Variants in ADAMTS2 observed in about 807,000 individuals in gnomAD.
The protein encoded by ADAMTS2 is ADAM metallopeptidase with thrombospondin type 1 motif 2.
Under a neutral mutation model 123.0 loss-of-function variants are expected in ADAMTS2, and 50 were observed. That is an observed-to-expected ratio of 0.41 (90% CI 0.32 to 0.51). The LOEUF is 0.51. ADAMTS2 is among the 20% of genes least tolerant of loss of function. The pLI is 0.35. For missense variants in ADAMTS2, 1,494 were observed against 1,705.2 expected (o/e 0.88, Z 2.18); for synonymous variants, 678 against 695.4 (o/e 0.98, Z 0.39).
Position 179,312,797 on chromosome 5 carries a change from G to C in ADAMTS2, c.534+30970C>G, listed in dbSNP as rs1756869132. 6.6e-6 allele frequency among the ~76,000 whole-genome samples: 1 copy of C among 152,214 alleles called. No homozygotes were observed. Among genetic ancestry groups the C allele is most frequent in the Non-Finnish European group, 1.5e-5 (1 of 68,046 alleles). On this transcript the variant is annotated intron_variant, in intron 2 of 21. Transcript: ENST00000251582. The surrounding 1 kb of genome is among the most constrained non-coding windows in gnomAD (Gnocchi z 4.2). ...CATCCTCCCCTAGAGGCTCCGGAGG[G>C]AGCGCGGCCCTGCCGCCACCTGCGT...
Position 179,285,935 on chromosome 5 carries a change from C to T in ADAMTS2, c.535-12871G>A, listed in dbSNP as rs1442722751. On this transcript the variant is annotated intron_variant, in intron 2 of 21. Transcript: ENST00000251582. This position sits in a 1 kb window ranked among gnomAD's most constrained non-coding sequence, Gnocchi z 4.9. ...CCCATTCAAGATCCTGCCAACAGGC[C>T]GGGCACGGTGGCTCACGCCTATAAT... Among the ~76,000 whole-genome samples the T allele has an allele frequency of 4.6e-5, 7 of 152,090 alleles. No individual in the cohort carries two copies. Among genetic ancestry groups the T allele is most frequent in the African/African-American group, 1.7e-4 (7 of 41,408 alleles).
At position 179,225,665 on chromosome 5, in the gene ADAMTS2, C is replaced by T. The variant is rs1278840075; in HGVS notation, c.689-17950G>A. On this transcript the variant is annotated intron_variant, in intron 3 of 21. Coordinates refer to ENST00000251582, the MANE Select transcript of ADAMTS2 (RefSeq NM_014244.5). This position sits in a 1 kb window ranked among gnomAD's most constrained non-coding sequence, Gnocchi z 4.5. ...ACCGACCGGCAGAAGCAGAACGACA[C>T]GGAGTTTGGCCGGGGCAGTCAGAGG... Among the ~76,000 whole-genome samples the T allele has an allele frequency of 1.3e-5, 2 of 152,204 alleles. No homozygotes were observed. The highest frequency in any genetic ancestry group is 1.5e-5 in the Non-Finnish European group (1 of 68,028).
chr5:179,155,000 G>C (rs1763441904), intron 6 of ADAMTS2, 81 bp from the exon 7 acceptor site: 1 of 1,297,106 alleles, frequency 7.7e-7, no homozygotes, highest in African/African-American at 1.5e-5. Flanking sequence ...CCCAGGCGCT[G>C]CTTCTCCTCA....
chr5:179,297,400 C>A (rs902674597), intron 2 of ADAMTS2, among the ~76,000 whole-genome samples: 1 of 152,072 alleles, frequency 6.6e-6, no homozygotes, highest in Admixed American at 6.6e-5. Flanking sequence ...CCTGGCAATG[C>A]AGAAACCTGA....
At chr5:179,304,878 G>A (rs532046185) in intron 2 of ADAMTS2, among the ~76,000 whole-genome samples, 1 of 151,978 alleles carries the variant, frequency 6.6e-6, no homozygotes, top group African/African-American at 2.4e-5. Flanking sequence ...AGAAATCCAA[G>A]GAAACACAAT....
chr5:179,148,174 G>A lies in ADAMTS2; in HGVS notation c.1629+3968C>T, dbSNP rs961126508. Among the ~76,000 whole-genome samples, 3 of 151,958 alleles carry A rather than the reference G, an allele frequency of 2.0e-5. No individual in the cohort carries two copies. The South Asian group carries it at 6.2e-4, about 32-fold the overall frequency. ...TCCCCCAGCACAGCAGCACTGCAGC[G>A]CTGGCGGCTCTGAACAGACCGCACT... On this transcript the variant is annotated intron_variant, in intron 10 of 21. Transcript: ENST00000251582.
rs187541321 is a variant in ADAMTS2 at position 179,299,997 on chromosome 5, G to A, written c.535-26933C>T. On this transcript the variant is annotated intron_variant, in intron 2 of 21. Coordinates refer to ENST00000251582, the MANE Select transcript of ADAMTS2 (RefSeq NM_014244.5). ...TAGTCCCAGCTACTCTGGAGGCTGA[G>A]GCAGGAGAATCACTTGGACCCAGGA... Among the ~76,000 whole-genome samples, 386 of 151,672 alleles carry A rather than the reference G, an allele frequency of 2.5e-3. 3 individuals carry two copies. The highest frequency in any genetic ancestry group is 8.7e-3 in the African/African-American group (358 of 41,280).
At chr5:179,258,576 A>G (rs998347358) in intron 3 of ADAMTS2, among the ~76,000 whole-genome samples, 1 of 152,320 alleles carries the variant, frequency 6.6e-6, no homozygotes, top group African/African-American at 2.4e-5. Context: ...CAGTCGTCCA[A>G]AAAAGGCTCA....
At chr5:179,205,757 G>GTTA (rs148528271) in intron 4 of ADAMTS2, among the ~76,000 whole-genome samples, 3,630 of 115,908 alleles carry the variant, frequency 0.031, 72 homozygotes, top group African/African-American at 0.058. Context: ...TGGTTTTATT[G>GTTA]TTATTATTAT....
intron 2 of ADAMTS2, among the ~76,000 whole-genome samples, chr5:179,275,319 C>A (rs949507178): frequency 9.2e-5 from 14 of 151,830 alleles, no homozygotes; most frequent in African/African-American, 1.7e-4. Context: ...AGGTGAGGAG[C>A]GAAATGGACA....
In ADAMTS2 at chr5:179,165,000, C is replaced by G. The variant is rs1561785791; in HGVS notation, c.976-6121G>C. Among the ~76,000 whole-genome samples the G allele has an allele frequency of 2.0e-5, 3 of 152,222 alleles. No individual in the cohort carries two copies. The South Asian group carries it at 6.2e-4, about 32-fold the overall frequency. ...CAGGTCTGCGGCCCAGGAGGGAAGT[C>G]TGGGCTGGCCGTGGACAGGGCAAGG... is the stretch of plus-strand genomic sequence containing the variant. On this transcript the variant is annotated intron_variant, in intron 5 of 21. Coordinates refer to ENST00000251582, the MANE Select transcript of ADAMTS2 (RefSeq NM_014244.5).
At chr5:179,231,064 T>C (rs1004394084) in intron 3 of ADAMTS2, among the ~76,000 whole-genome samples, 129 of 151,296 alleles carry the variant, frequency 8.5e-4, no homozygotes, top group Non-Finnish European at 1.5e-3. Flanking sequence ...CAGGCCTGTA[T>C]TGCACATCCA....
intron 4 of ADAMTS2, among the ~76,000 whole-genome samples, chr5:179,195,305 C>T (rs1764400964): frequency 6.6e-6 from 1 of 152,136 alleles, no homozygotes; most frequent in Admixed American, 6.5e-5. Flanking sequence ...TCCCAACAGC[C>T]CCGGGAGTTG....
Position 179,139,960 on chromosome 5 carries a change from G to T in ADAMTS2, c.1705C>A (p.Pro569Thr). The T allele has an allele frequency of 1.2e-6, 2 of 1,613,924 alleles. No individual in the cohort carries two copies. Among genetic ancestry groups the T allele is most frequent in the Non-Finnish European group, 1.7e-6 (2 of 1,180,014 alleles). ...CAGGTACGTGAGCAGGAGCCAAACGGACTCCAAGCGCCCCAGCTGCCGTCC... is the reference window on the plus strand; with the variant it reads ...CAGGTACGTGAGCAGGAGCCAAACGTACTCCAAGCGCCCCAGCTGCCGTCC... Reference protein sequence around the residue: ...KRDGSWGAWSPFGSCSRTCGT... With the variant: ...KRDGSWGAWSTFGSCSRTCGT... Residue 569 changes from proline (P) to threonine (T), a missense_variant, in exon 11 of 22, where the codon CCG becomes ACG. By Grantham distance (38) the Pro-to-Thr change is conservative. Coordinates refer to ENST00000251582, the MANE Select transcript of ADAMTS2 (RefSeq NM_014244.5).
chr5:179,234,397 G>A lies in ADAMTS2; in HGVS notation c.689-26682C>T, dbSNP rs1056499550. Among the ~76,000 whole-genome samples, 15 of 152,208 alleles carry A rather than the reference G, an allele frequency of 9.9e-5. No individual in the cohort carries two copies. The highest frequency in any genetic ancestry group is 2.0e-4 in the Admixed American group (3 of 15,306). On this transcript the variant is annotated intron_variant, in intron 3 of 21. Coordinates refer to ENST00000251582, the MANE Select transcript of ADAMTS2 (RefSeq NM_014244.5). The surrounding 1 kb of genome is among the most constrained non-coding windows in gnomAD (Gnocchi z 4.7). ...GGGCCCAGTCCACCGTGCCCTGGAC[G>A]CTGCTCATCCACTAGGACTGGGCTT...
chr5:179,321,684 A>G (rs937124995), intron 2 of ADAMTS2, among the ~76,000 whole-genome samples: 1 of 102,800 alleles, frequency 9.7e-6, no homozygotes, highest in Non-Finnish European at 1.8e-5. Context: ...GAGCGCTCCC[A>G]ACCCGAATTC....
intron 3 of ADAMTS2, among the ~76,000 whole-genome samples, chr5:179,271,694 G>T (rs1297825823): frequency 6.6e-6 from 1 of 152,236 alleles, no homozygotes; most frequent in African/African-American, 2.4e-5. Context: ...AGGAACAAGG[G>T]GCCACCGGTT....
rs1017506553 is a variant in ADAMTS2, at chr5:179,175,972, G to A, written c.975+5100C>T. ...GCTCGGACTCTCGGAGGTACACCAT[G>A]CACAGCTCCACAGGAAAGTCTCCGG... is the stretch of plus-strand genomic sequence containing the variant. On this transcript the variant is annotated intron_variant, in intron 5 of 21. Coordinates refer to ENST00000251582, the MANE Select transcript of ADAMTS2 (RefSeq NM_014244.5). This position sits in a 1 kb window ranked among gnomAD's most constrained non-coding sequence, Gnocchi z 4.1. Among the ~76,000 whole-genome samples the A allele has an allele frequency of 2.0e-5, 3 of 152,056 alleles. No homozygotes were observed. Among genetic ancestry groups the A allele is most frequent in the Non-Finnish European group, 4.4e-5 (3 of 68,032 alleles).
rs770094463 is a variant in ADAMTS2, at chr5:179,140,799, C to CTTTTTTTTTTT, written c.1630-775_1630-765dup. 1.5e-4 allele frequency among the ~76,000 whole-genome samples: 14 copies of CTTTTTTTTTTT among 90,452 alleles called. 1 individual carries two copies. Among genetic ancestry groups the CTTTTTTTTTTT allele is most frequent in the African/African-American group, 4.0e-4 (9 of 22,636 alleles). 59.3% of individuals were successfully genotyped at this position (90,452 alleles called of 152,430 possible). ...TTTCCTTCAGTTCCGACTGCATGCT[C>CTTTTTTTTTTT]TTTTTTTTTTTTTTTTTTTGAGACA... On this transcript the variant is annotated intron_variant, in intron 10 of 21. Coordinates refer to ENST00000251582, the MANE Select transcript of ADAMTS2 (RefSeq NM_014244.5).
Sources: gnomAD v4.1 joint callset for allele counts (sites outside exome capture counted in the v4.1 genomes callset) on GRCh38, gnomAD v4.1.1 for gene constraint, Gnocchi (gnomAD v3.1) non-coding constraint, MANE v1.5 for transcripts, NCBI Gene and HGNC (gene_info 2026-07-23, HGNC 2026-07-21) for gene names.